The following GOLGA6C variants were observed in gnomAD, a reference collection of about 807,000 sequenced individuals.
GOLGA6C encodes the protein golgin subfamily A member 6C.
A neutral mutation model predicts 57.5 loss-of-function variants in GOLGA6C; 3 were observed. That is an observed-to-expected ratio of 0.05 (90% CI 0.02 to 0.13). The LOEUF is 0.13. GOLGA6C is among the 10% of genes least tolerant of loss of function. GOLGA6C has a pLI of 1.00. For missense variants in GOLGA6C, 88 were observed against 525.6 expected (o/e 0.17, Z 8.14); for synonymous variants, 32 against 203.8 (o/e 0.16, Z 7.18).
At position 75,271,441 on chromosome 15, in the gene GOLGA6C, TACC is replaced by T. The variant is rs1279743783; in HGVS notation, c.*1243_*1245del. 8.1e-6 allele frequency among the ~76,000 whole-genome samples: 1 copy of T among 123,152 alleles called. No homozygotes were observed. The highest frequency in any genetic ancestry group is 2.8e-4 in the East Asian group (1 of 3,566). The allele number at this position is 123,152 out of a possible 152,430, so 80.8% of individuals were successfully genotyped here. On this transcript the variant is annotated 3_prime_UTR_variant, in exon 18 of 18. Transcript: ENST00000300576. ...TTATCATCTAGACCTCTCTGGCTAA[TACC>T]TATTCTTCAGCCACATTAGTTACTC...
rs772699676 is a variant in GOLGA6C, at chr15:75,265,095, C to T, written c.565-27C>T. 5.6e-6 allele frequency: 9 copies of T among 1,606,258 alleles called. No homozygotes were observed. In the East Asian group the frequency reaches 1.6e-4, roughly 28 times the overall value. ...GGGGCACTGCCCGGGCTCCCCAGAT[C>T]AAAACTTCTCACTCTTCACCATCCA... is the stretch of plus-strand genomic sequence containing the variant. On this transcript the variant is annotated intron_variant, in intron 7 of 17. Transcript: ENST00000300576.
chr15:75,269,303 G>C, intron 14 of GOLGA6C, 150 bp from the exon 15 acceptor site: 2 of 600,744 alleles, frequency 3.3e-6, no homozygotes, highest in Non-Finnish European at 6.0e-6. Context: ...GGGAGGACTG[G>C]AGATGAGTTT....
intron 1 of GOLGA6C, among the ~76,000 whole-genome samples, chr15:75,259,105 C>T (rs1459993576): frequency 6.6e-6 from 1 of 152,112 alleles, no homozygotes; most frequent in South Asian, 2.1e-4. Context: ...GCTCTCCCCT[C>T]CTGCTGACCC....
intron 14 of GOLGA6C, among the ~76,000 whole-genome samples, 190 bp downstream of exon 14, chr15:75,269,078 C>A (rs1178896296): frequency 4.0e-5 from 5 of 124,118 alleles, no homozygotes; most frequent in South Asian, 2.8e-4. Context: ...AGGGGTTGTT[C>A]TCCACCTCCC....
intron 14 of GOLGA6C, among the ~76,000 whole-genome samples, 157 bp downstream of exon 14, chr15:75,269,045 G>A (rs1355617857): frequency 5.1e-4 from 62 of 120,578 alleles, no homozygotes; most frequent in African/African-American, 1.8e-3. Context: ...ACCAACAGGT[G>A]CACTCTCTGA....
intron 7 of GOLGA6C, 118 bp from the exon 8 acceptor site, chr15:75,265,004 G>C: frequency 1.8e-6 from 2 of 1,131,594 alleles, no homozygotes; most frequent in East Asian, 2.8e-5. Flanking sequence ...ACCAGGCCAC[G>C]GGCTTGGAAA....
rs1410716051 is a variant in GOLGA6C, at chr15:75,273,180, A to G, written c.*2981A>G. On this transcript the variant is annotated 3_prime_UTR_variant, in exon 18 of 18. Coordinates refer to ENST00000300576, the MANE Select transcript of GOLGA6C (RefSeq NM_001164404.2). ...ATAACTATTCAAAAATGTAACTGCT[A>G]TCTTAATGTTTTGAAATAAGTTAAA... Among the ~76,000 whole-genome samples the G allele has an allele frequency of 8.5e-5, 13 of 152,216 alleles. No individual in the cohort carries two copies. The highest frequency in any genetic ancestry group is 1.6e-4 in the Non-Finnish European group (11 of 67,990).
intron 1 of GOLGA6C, among the ~76,000 whole-genome samples, chr15:75,259,233 C>T (rs2070723788): frequency 6.7e-6 from 1 of 148,870 alleles, no homozygotes; most frequent in African/African-American, 2.5e-5. Context: ...TGAGGTTTCC[C>T]CCACCCCCAG....
chr15:75,270,113 C>T lies in GOLGA6C; in HGVS notation c.1996C>T (p.Pro666Ser), dbSNP rs758826463. Residue 666 changes from proline to serine, a missense_variant, in exon 18 of 18, where the codon CCA becomes TCA. Coordinates refer to ENST00000300576, the MANE Select transcript of GOLGA6C (RefSeq NM_001164404.2). ...CCTGGACAACAACGTGGAGCCTGCA[C>T]CAGGAGCGGCCAGGGAGGGTTCTCC... ...VSLDNNVEPA[P>S]GAAREGSPHD... 3.1e-6 allele frequency: 5 copies of T among 1,600,714 alleles called. No homozygotes were observed. The highest frequency in any genetic ancestry group is 4.3e-6 in the Non-Finnish European group (5 of 1,176,156).
rs540333421 is a variant in GOLGA6C, at chr15:75,269,238, G to T, written c.1594-215G>T. ...TGCGAAGGCTGTGCCGCCTGCACCT[G>T]GCTCATCTGGTGGCCTTGGCCTGGA... On this transcript the variant is annotated intron_variant, in intron 14 of 17. Transcript: ENST00000300576. Among the ~76,000 whole-genome samples, 6 of 146,884 alleles carry T rather than the reference G, an allele frequency of 4.1e-5. 1 individual carries two copies. The East Asian group carries it at 1.2e-3, about 30-fold the overall frequency.
At position 75,266,210 on chromosome 15, in the gene GOLGA6C, T is replaced by A. The variant is rs2070762762; in HGVS notation, c.953T>A (p.Leu318His). The A allele has an allele frequency of 8.7e-7, 1 of 1,143,848 alleles. No individual in the cohort carries two copies. Among genetic ancestry groups the A allele is most frequent in the African/African-American group, 1.6e-5 (1 of 60,798 alleles). The allele number at this position is 1,143,848 out of a possible 1,614,324, so 70.9% of individuals were successfully genotyped here. A position where few individuals can be genotyped will look rare whatever the true frequency, so the allele number is the denominator to read the frequency against. The change falls in exon 11 of 18, where the codon CTC becomes CAC. Residue 318 changes from leucine to histidine, a missense_variant. Coordinates refer to ENST00000300576, the MANE Select transcript of GOLGA6C (RefSeq NM_001164404.2). The stretch of plus-strand genomic sequence containing the variant: ...GAGGTGGAAGGTCTGGAGGGAAAGC[T>A]CCAGTCCCAGGTGGAAAACAATCAG... ...RQEVEGLEGK[L>H]QSQVENNQAL...
intron 7 of GOLGA6C, 34 bp from the exon 8 acceptor site, chr15:75,265,088 C>T: frequency 6.2e-7 from 1 of 1,606,278 alleles, no homozygotes; most frequent in Non-Finnish European, 8.5e-7. Context: ...GCCCGGGCTC[C>T]CCAGATCAAA....
rs1384954186 is a variant in GOLGA6C, at chr15:75,272,771, T to C, written c.*2572T>C. ...ATCATATAACAATAACTTAAGTCTT[T>C]CTTCAAAGTGCATGTGGTCCTTTGC... On this transcript the variant is annotated 3_prime_UTR_variant, in exon 18 of 18. Coordinates refer to ENST00000300576, the MANE Select transcript of GOLGA6C (RefSeq NM_001164404.2). 6.6e-6 allele frequency among the ~76,000 whole-genome samples: 1 copy of C among 151,374 alleles called. No homozygotes were observed. Among genetic ancestry groups the C allele is most frequent in the Non-Finnish European group, 1.5e-5 (1 of 68,052 alleles).
In GOLGA6C at chr15:75,265,143, G is replaced by T. The variant is rs756656195; in HGVS notation, c.586G>T (p.Val196Phe). Residue 196 changes from valine to phenylalanine, a missense_variant, in exon 8 of 18, where the codon GTC becomes TTC. Physicochemically the swap from Val to Phe is conservative, Grantham distance 50. Coordinates refer to ENST00000300576, the MANE Select transcript of GOLGA6C (RefSeq NM_001164404.2). ...CCAGTCCTCGAGCTGCAGAGAAGCG[G>T]TCCTCCAGCGGCGGTTACAGCAGAC... ...EDRSSSCREA[V>F]LQRRLQQTIK... 2.6e-5 allele frequency: 42 copies of T among 1,602,046 alleles called. 2 individuals are homozygous for T. The South Asian group carries it at 4.7e-4, about 18-fold the overall frequency.
chr15:75,265,037 G>A (rs1397945370), intron 7 of GOLGA6C, 85 bp from the exon 8 acceptor site: 2 of 1,531,104 alleles, frequency 1.3e-6, no homozygotes, highest in Non-Finnish European at 1.8e-6. Flanking sequence ...TACTAACCGA[G>A]TTGTATATTG....
chr15:75,260,313 G>A, intron 1 of GOLGA6C, 60 bp from the exon 2 acceptor site: 2 of 1,594,330 alleles, frequency 1.3e-6, no homozygotes, highest in South Asian at 2.2e-5. Flanking sequence ...AAACTGTAAG[G>A]AGGGTGTGGC....
rs2070799685 is a variant in GOLGA6C, at chr15:75,273,307, T to G, written c.*3108T>G. Among the ~76,000 whole-genome samples the G allele has an allele frequency of 6.6e-6, 1 of 151,704 alleles. No individual in the cohort carries two copies. The highest frequency in any genetic ancestry group is 6.6e-5 in the Admixed American group (1 of 15,184). On this transcript the variant is annotated 3_prime_UTR_variant, in exon 18 of 18. Transcript: ENST00000300576. ...CCAATGCAAGGCTTTATTTGCCAAGTTTTCTTAGAATGACTTTTACCAGTT... is the reference window on the plus strand; with the variant it reads ...CCAATGCAAGGCTTTATTTGCCAAGGTTTCTTAGAATGACTTTTACCAGTT...
At chr15:75,269,220 G>T (rs1198662664) in intron 14 of GOLGA6C, among the ~76,000 whole-genome samples, 2 of 146,852 alleles carry the variant, frequency 1.4e-5, no homozygotes, top group East Asian at 4.0e-4. Flanking sequence ...AGGTGCGAAG[G>T]CTGTGCCGCC....
rs1399905524 is a variant in GOLGA6C at position 75,270,511 on chromosome 15, T to C, written c.*312T>C. Among the ~76,000 whole-genome samples the C allele has an allele frequency of 4.1e-5, 4 of 98,198 alleles. No individual in the cohort carries two copies. Among genetic ancestry groups the C allele is most frequent in the African/African-American group, 1.8e-4 (4 of 22,732 alleles). 64.4% of individuals were successfully genotyped at this position (98,198 alleles called of 152,430 possible). A position where few individuals can be genotyped will look rare whatever the true frequency, so the allele number is the denominator to read the frequency against. ...TTTTTAATTTGATAATTGTAGGTCA[T>C]TAGTATGCATATCGAGTTTGCCCTT... On this transcript the variant is annotated 3_prime_UTR_variant, in exon 18 of 18. Coordinates refer to ENST00000300576, the MANE Select transcript of GOLGA6C (RefSeq NM_001164404.2).
Sources: gnomAD v4.1 joint callset for allele counts (sites outside exome capture counted in the v4.1 genomes callset) on GRCh38, gnomAD v4.1.1 for gene constraint, MANE v1.5 for transcripts, NCBI Gene and HGNC (gene_info 2026-07-23, HGNC 2026-07-21) for gene names.